CHLSN: variants seen among roughly 807,000 people sequenced by gnomAD.
The protein encoded by CHLSN is protein cholesin.
the CHLSN span, among the ~76,000 whole-genome samples, chr7:1,099,080 C>T: frequency 0.25 from 38,060 of 150,200 alleles, 5,013 homozygotes; most frequent in Middle Eastern, 0.37. Flanking sequence ...CTCACTGTCA[C>T]GTTCTTGCAG....
the CHLSN span, chr7:988,279 C>A: frequency 6.3e-7 from 1 of 1,586,168 alleles, no homozygotes; most frequent in Non-Finnish European, 8.6e-7. Context: ...CCCCACAGGG[C>A]ACGCCCGTGA....
the CHLSN span, among the ~76,000 whole-genome samples, chr7:1,040,366 G>C: frequency 6.6e-6 from 1 of 151,730 alleles, no homozygotes; most frequent in Non-Finnish European, 1.5e-5. Context: ...ATGGTGGCAC[G>C]CACCTGTACT....
At chr7:1,074,928 G>A in the CHLSN span, among the ~76,000 whole-genome samples, 3 of 152,222 alleles carry the variant, frequency 2.0e-5, no homozygotes, top group South Asian at 2.1e-4. Flanking sequence ...CTGAGCGCAG[G>A]ACAGACGTCC....
chr7:1,062,926 A>G, the CHLSN span, among the ~76,000 whole-genome samples: 47 of 151,932 alleles, frequency 3.1e-4, no homozygotes, highest in Non-Finnish European at 4.4e-4. Flanking sequence ...ACCTCACCTA[A>G]ACACCCTATT....
At chr7:1,043,019 A>G in the CHLSN span, among the ~76,000 whole-genome samples, 1 of 151,848 alleles carries the variant, frequency 6.6e-6, no homozygotes, top group Non-Finnish European at 1.5e-5. Flanking sequence ...TGGGAAGCCC[A>G]GGCAGGCGGA....
chr7:987,294 C>T, the CHLSN span: 4 of 1,514,968 alleles, frequency 2.6e-6, no homozygotes, highest in East Asian at 2.4e-5. Context: ...CCCGGGGGAC[C>T]CCCAGGGACG....
the CHLSN span, among the ~76,000 whole-genome samples, chr7:1,019,951 C>T: frequency 0.045 from 6,915 of 152,324 alleles, 529 homozygotes; most frequent in African/African-American, 0.16. Flanking sequence ...AGGGAGGCCA[C>T]GGGGCACCTG....
chr7:1,125,664 C>G, the CHLSN span, among the ~76,000 whole-genome samples: 4 of 152,348 alleles, frequency 2.6e-5, no homozygotes, highest in East Asian at 7.7e-4. Context: ...CAAGGGCGCT[C>G]AGCACTGAAA....
chr7:987,193 G>A, the CHLSN span: 12 of 1,553,078 alleles, frequency 7.7e-6, no homozygotes, highest in East Asian at 4.9e-5. Flanking sequence ...AGACGACCTC[G>A]GCCACGCTGC....
At chr7:1,072,199 TG>T in the CHLSN span, among the ~76,000 whole-genome samples, 1 of 152,228 alleles carries the variant, frequency 6.6e-6, no homozygotes, top group Non-Finnish European at 1.5e-5. Context: ...GTAAGCATCC[TG>T]GCTGCCCACG....
the CHLSN span, among the ~76,000 whole-genome samples, chr7:1,094,833 C>T: frequency 6.6e-6 from 1 of 152,200 alleles, no homozygotes; most frequent in Non-Finnish European, 1.5e-5. Flanking sequence ...TCCATGACCC[C>T]AGCACCGTGG....
the CHLSN span, chr7:1,028,647 G>GCCCCCCCC: frequency 1.1e-6 from 1 of 923,364 alleles, no homozygotes; most frequent in Non-Finnish European, 1.3e-6. Flanking sequence ...GCCTCTGACC[G>GCCCCCCCC]CCCCCACCCA....
the CHLSN span, among the ~76,000 whole-genome samples, chr7:1,081,266 A>C: frequency 6.6e-6 from 1 of 152,146 alleles, no homozygotes; most frequent in Non-Finnish European, 1.5e-5. Context: ...GCTCCACCAG[A>C]CTGACCTTGC....
At chr7:1,134,568 CTAAA>C in the CHLSN span, among the ~76,000 whole-genome samples, 18 of 148,894 alleles carry the variant, frequency 1.2e-4, no homozygotes, top group Non-Finnish European at 1.9e-4. Flanking sequence ...CACTGTGTCT[CTAAA>C]TAAATAAATA....
chr7:988,501 G>C, the CHLSN span: 7 of 1,600,638 alleles, frequency 4.4e-6, no homozygotes, highest in Non-Finnish European at 6.0e-6. Flanking sequence ...TGCCGCCTCT[G>C]CACCCACCTC....
At chr7:1,069,350 T>TCTCTCTC in the CHLSN span, among the ~76,000 whole-genome samples, 1 of 147,968 alleles carries the variant, frequency 6.8e-6, no homozygotes, top group South Asian at 2.2e-4. Context: ...TAAATAGCTC[T>TCTCTCTC]CCCTCTCCCC....
the CHLSN span, among the ~76,000 whole-genome samples, chr7:1,085,124 C>T: frequency 1.3e-5 from 2 of 152,264 alleles, no homozygotes; most frequent in African/African-American, 4.8e-5. Context: ...AAGCTGGAGA[C>T]ACACTGCCTT....
chr7:1,112,977 A>C, the CHLSN span, among the ~76,000 whole-genome samples: 1 of 152,240 alleles, frequency 6.6e-6, no homozygotes. Context: ...TGTTCTTTGC[A>C]CCGTGGATGA....
the CHLSN span, among the ~76,000 whole-genome samples, chr7:1,022,105 AC>A: frequency 3.3e-5 from 5 of 152,136 alleles, no homozygotes; most frequent in Non-Finnish European, 5.9e-5. Context: ...CCCTGAGTCC[AC>A]CGGAGTCTGC....
Sources: gnomAD v4.1 joint callset for allele counts (sites outside exome capture counted in the v4.1 genomes callset) on GRCh38, gnomAD v4.1.1 for gene constraint, MANE v1.5 for transcripts, NCBI Gene and HGNC (gene_info 2026-07-23, HGNC 2026-07-21) for gene names.